Variants in PAICS observed in about 807,000 individuals in gnomAD.
PAICS encodes bifunctional phosphoribosylaminoimidazole carboxylase/phosphoribosylaminoimidazole succinocarboxamide synthetase.
A neutral mutation model predicts 53.7 loss-of-function variants in PAICS; 33 were observed. The observed-to-expected ratio is 0.61, with a 90% CI of 0.47 to 0.82. The LOEUF (loss-of-function observed/expected upper bound fraction) is 0.82, where lower values mean the gene tolerates loss of function less well. Ranked by LOEUF, PAICS falls within the 40% of genes least tolerant of loss-of-function variation. PAICS has a pLI of 0.00. For missense variants in PAICS, 394 were observed against 494.1 expected (o/e 0.80, Z 1.92); for synonymous variants, 141 against 167.2 (o/e 0.84, Z 1.21).
At chr4:56,427,100 T>G in the PAICS span, among the ~76,000 whole-genome samples, 1 of 152,246 alleles carries the variant, frequency 6.6e-6, no homozygotes, top group African/African-American at 2.4e-5. Flanking sequence ...TTCCATTGTA[T>G]GGATACACCA....
chr4:56,459,723 G>C lies in PAICS; in HGVS notation c.*185G>C. On this transcript the variant is annotated 3_prime_UTR_variant, in exon 9 of 9. Transcript: ENST00000512576. ...ATCTAACCCCTCCTTTCTTAGGCTA[G>C]ACACCAAGATATTTCAGCCAGCCTT... is the stretch of plus-strand genomic sequence containing the variant. 4.0e-6 allele frequency: 2 copies of C among 504,234 alleles called. No homozygotes were observed. The highest frequency in any genetic ancestry group is 7.1e-6 in the Non-Finnish European group (2 of 282,316). The allele number at this position is 504,234 out of a possible 1,614,324, so 31.2% of individuals were successfully genotyped here. A position where few individuals can be genotyped will look rare whatever the true frequency, so the allele number is the denominator to read the frequency against.
chr4:56,435,497 G>A (rs752689448), upstream of PAICS: 3 of 1,612,856 alleles, frequency 1.9e-6, no homozygotes, highest in Non-Finnish European at 1.7e-6. Context: ...GAAAGCACGT[G>A]GAAGGACCTG....
At chr4:56,419,375 A>G in the PAICS span, among the ~76,000 whole-genome samples, 1 of 152,308 alleles carries the variant, frequency 6.6e-6, no homozygotes, top group South Asian at 2.1e-4. Context: ...GGTATACAGG[A>G]AAGATGATCA....
the PAICS span, among the ~76,000 whole-genome samples, chr4:56,415,391 T>C: frequency 6.6e-6 from 1 of 152,212 alleles, no homozygotes; most frequent in African/African-American, 2.4e-5. Flanking sequence ...CTGCATTCCT[T>C]TCTAAGATGT....
chr4:56,428,369 G>A, the PAICS span, among the ~76,000 whole-genome samples: 1 of 152,106 alleles, frequency 6.6e-6, no homozygotes, highest in Admixed American at 6.5e-5. Flanking sequence ...AAAATTAAGC[G>A]AATGCTTGAA....
chr4:56,448,854 T>A, intron 5 of PAICS, 31 bp downstream of exon 5: 1 of 1,173,574 alleles, frequency 8.5e-7, no homozygotes, highest in Non-Finnish European at 1.2e-6. Context: ...TTTTATCCTT[T>A]TTGAGATCAA....
At chr4:56,418,612 C>A in the PAICS span, among the ~76,000 whole-genome samples, 2 of 152,158 alleles carry the variant, frequency 1.3e-5, no homozygotes, top group African/African-American at 2.4e-5. Flanking sequence ...AGCCACCATG[C>A]CCAGCCAAAA....
chr4:56,441,718 G>C lies in PAICS; in HGVS notation c.72G>C (p.Leu24Phe), dbSNP rs377520975. Reference protein sequence around the residue: ...YEGKTKEVYELLDSPGKVLLQ... With the variant: ...YEGKTKEVYEFLDSPGKVLLQ... ...GTAAAACAAAAGAAGTCTACGAATT[G>C]TTAGACAGTCCAGGAAAAGTCCTCC... Residue 24 changes from leucine to phenylalanine, a missense_variant, in exon 2 of 9, where the codon TTG becomes TTC. By Grantham distance (22) the Leu-to-Phe change is conservative (BLOSUM62 0). Around this residue, in one of 3 missense-constraint regions of PAICS, gnomAD observed 168 missense variants for 199.3 expected, o/e 0.84. Coordinates refer to ENST00000512576, the MANE Select transcript of PAICS (RefSeq NM_001079524.2). 7 of 1,603,492 alleles carry C rather than the reference G, an allele frequency of 4.4e-6. No homozygotes were observed. Among genetic ancestry groups the C allele is most frequent in the South Asian group, 2.2e-5 (2 of 88,946 alleles).
chr4:56,423,078 A>G, the PAICS span: 1 of 152,190 alleles, frequency 6.6e-6, no homozygotes, highest in Non-Finnish European at 1.5e-5. Flanking sequence ...TTCTACACAA[A>G]CCAAAACTGG....
chr4:56,445,110 A>G (rs115775299), intron 2 of PAICS, among the ~76,000 whole-genome samples: 1,751 of 152,170 alleles, frequency 0.012, 30 homozygotes, highest in African/African-American at 0.038. Context: ...CTGTTCATGC[A>G]ACATACCACA....
At position 56,446,846 on chromosome 4, in the gene PAICS, C is replaced by T. The variant is rs1451369857; in HGVS notation, c.366C>T (p.Tyr122=). 27 of 1,608,752 alleles carry T rather than the reference C, an allele frequency of 1.7e-5. No individual in the cohort carries two copies. The highest frequency in any genetic ancestry group is 2.2e-5 in the Non-Finnish European group (26 of 1,177,004). ...NPGVKEGYKF[Y]PPKVELFFKD... ...GTGTCAAGGAAGGATATAAGTTTTA[C>T]CCACCTAAAGTGGAGTTGTTTTTCA... The change falls in exon 3 of 9, where the codon TAC becomes TAT. Residue 122 remains tyrosine, a synonymous_variant. Coordinates refer to ENST00000512576, the MANE Select transcript of PAICS (RefSeq NM_001079524.2).
At chr4:56,452,707 C>T (rs1446800146) in intron 7 of PAICS, among the ~76,000 whole-genome samples, 1 of 152,250 alleles carries the variant, frequency 6.6e-6, no homozygotes, top group Non-Finnish European at 1.5e-5. Context: ...TTAAAATAGC[C>T]GGTTCTCCCG....
chr4:56,448,665 T>C, intron 4 of PAICS, 45 bp from the exon 5 acceptor site: 1 of 1,518,446 alleles, frequency 6.6e-7, no homozygotes, highest in Non-Finnish European at 9.0e-7. Flanking sequence ...GAGAGATGCT[T>C]TCATAAAATA....
upstream of PAICS, chr4:56,436,109 G>A (rs781200558): frequency 2.1e-5 from 31 of 1,476,712 alleles, no homozygotes; most frequent in Non-Finnish European, 2.3e-5. Flanking sequence ...AAGCCAGTGG[G>A]GCGTTGTTTC....
At chr4:56,429,737 C>T in the PAICS span, among the ~76,000 whole-genome samples, 1 of 152,104 alleles carries the variant, frequency 6.6e-6, no homozygotes, top group African/African-American at 2.4e-5. Context: ...CCAAATCCAC[C>T]ATTCAGGACA....
the PAICS span, chr4:56,414,244 G>A: frequency 6.6e-6 from 1 of 152,122 alleles, no homozygotes; most frequent in African/African-American, 2.4e-5. Flanking sequence ...ATTTTTATTG[G>A]TGTGTGATAC....
At chr4:56,453,455 A>G (rs201690242) in intron 7 of PAICS, 148 bp from the exon 8 acceptor site, 4 of 508,606 alleles carry the variant, frequency 7.9e-6, no homozygotes, top group Non-Finnish European at 7.1e-6. Flanking sequence ...ATGTGTAATA[A>G]TAGTATCTTT....
chr4:56,431,443 GA>G, upstream of PAICS: 1 of 980,888 alleles, frequency 1.0e-6, no homozygotes, highest in Non-Finnish European at 1.2e-6. Context: ...AATCTCTTAA[GA>G]AAAGTGCTCC....
chr4:56,464,399 G>A lies in PAICS; in HGVS notation c.*4861G>A, dbSNP rs1000293209. On this transcript the variant is annotated 3_prime_UTR_variant, in exon 9 of 9. Coordinates refer to ENST00000512576, the MANE Select transcript of PAICS (RefSeq NM_001079524.2). The stretch of plus-strand genomic sequence containing the variant: ...ATTGTGAATACACAAAAGTAGGAAG[G>A]ACTCTGATCTCTAGAAAACAATTGT... 2.4e-5 allele frequency: 3 copies of A among 122,456 alleles called. No homozygotes were observed. The highest frequency in any genetic ancestry group is 1.0e-4 in the African/African-American group (3 of 28,864). 7.6% of individuals were successfully genotyped at this position (122,456 alleles called of 1,614,324 possible). A position where few individuals can be genotyped will look rare whatever the true frequency, so the allele number is the denominator to read the frequency against.
Sources: gnomAD v4.1 joint callset for allele counts (sites outside exome capture counted in the v4.1 genomes callset) on GRCh38, gnomAD v4.1.1 for gene constraint, gnomAD v4.1.1 regional missense constraint, MANE v1.5 for transcripts, NCBI Gene and HGNC (gene_info 2026-07-23, HGNC 2026-07-21) for gene names.